The following C12orf42 variants were observed in gnomAD, a reference collection of about 807,000 sequenced individuals.
The protein encoded by C12orf42 is chromosome 12 open reading frame 42.
A neutral mutation model predicts 21.6 loss-of-function variants in C12orf42; 25 were observed. The observed-to-expected ratio is 1.16, with a 90% confidence interval of 0.84 to 1.62. The LOEUF (loss-of-function observed/expected upper bound fraction) is 1.62, where lower values mean the gene tolerates loss of function less well. Among genes scored for constraint, C12orf42 ranks in the 40% most tolerant of loss-of-function variants. The pLI, the probability that C12orf42 is intolerant of heterozygous loss-of-function variation, is 0.00. For missense variants in C12orf42, 483 were observed against 459.3 expected (o/e 1.05, Z -0.47); for synonymous variants, 174 against 175.0 (o/e 0.99, Z 0.05).
At chr12:103,217,847 A>G in the C12orf42 span, among the ~76,000 whole-genome samples, 1 of 152,020 alleles carries the variant, frequency 6.6e-6, no homozygotes, top group Non-Finnish European at 1.5e-5. Context: ...GTCCCTTCCT[A>G]GTGTGGTCCC....
At chr12:103,047,629 G>A in the C12orf42 span, among the ~76,000 whole-genome samples, 75 of 152,336 alleles carry the variant, frequency 4.9e-4, no homozygotes, top group African/African-American at 1.8e-3. Flanking sequence ...AATACTTAGA[G>A]GCTTAAAACA....
the C12orf42 span, among the ~76,000 whole-genome samples, chr12:103,098,099 C>A: frequency 6.6e-6 from 1 of 152,326 alleles, no homozygotes; most frequent in African/African-American, 2.4e-5. Context: ...TCTAGCATTA[C>A]AAGAAAGTTA....
intron 2 of C12orf42, among the ~76,000 whole-genome samples, chr12:103,431,638 TA>T (rs1365969653): frequency 6.6e-6 from 1 of 152,200 alleles, no homozygotes; most frequent in African/African-American, 2.4e-5. Flanking sequence ...ACATATACAT[TA>T]CATACCCTGG....
intron 2 of C12orf42, among the ~76,000 whole-genome samples, chr12:103,475,676 G>T (rs1270955829): frequency 1.3e-5 from 2 of 152,170 alleles, no homozygotes; most frequent in African/African-American, 4.8e-5. Flanking sequence ...TGAGGAATTT[G>T]GTTTGGTACA....
At chr12:103,072,207 C>A in the C12orf42 span, among the ~76,000 whole-genome samples, 2 of 152,152 alleles carry the variant, frequency 1.3e-5, no homozygotes, top group Non-Finnish European at 2.9e-5. Flanking sequence ...TTAATGCACA[C>A]ATGGTAAGAG....
At chr12:103,212,924 T>C in the C12orf42 span, among the ~76,000 whole-genome samples, 1 of 151,976 alleles carries the variant, frequency 6.6e-6, no homozygotes, top group Non-Finnish European at 1.5e-5. Context: ...TGCAGTTAGA[T>C]ACACACACGC....
intron 4 of C12orf42, among the ~76,000 whole-genome samples, chr12:103,282,160 G>A (rs1324522977): frequency 2.0e-5 from 3 of 152,110 alleles, no homozygotes; most frequent in African/African-American, 7.2e-5. Flanking sequence ...ATTCTATAAG[G>A]TAATCAAGTT....
chr12:103,316,389 T>C (rs74565404), intron 4 of C12orf42, among the ~76,000 whole-genome samples: 12,216 of 152,082 alleles, frequency 0.08, 505 homozygotes, highest in East Asian at 0.18. Flanking sequence ...AAGACTGTTT[T>C]AGACACACAC....
At chr12:103,486,588 C>A (rs532247385) in intron 1 of C12orf42, among the ~76,000 whole-genome samples, 2 of 152,264 alleles carry the variant, frequency 1.3e-5, no homozygotes, top group East Asian at 1.9e-4. Flanking sequence ...TCCATCCGGT[C>A]CTGCACTTTT....
chr12:103,303,582 T>C (rs913077787), intron 5 of C12orf42, among the ~76,000 whole-genome samples: 5 of 152,164 alleles, frequency 3.3e-5, no homozygotes, highest in Admixed American at 1.3e-4. Context: ...ACACATAAAA[T>C]AATTAAAATG....
intron 4 of C12orf42, among the ~76,000 whole-genome samples, chr12:103,359,269 G>T (rs1183665848): frequency 6.6e-6 from 1 of 151,862 alleles, no homozygotes; most frequent in East Asian, 1.9e-4. Flanking sequence ...AGTGTAATTT[G>T]TAGAGTAAAA....
chr12:103,206,484 C>T, the C12orf42 span, among the ~76,000 whole-genome samples: 1 of 151,562 alleles, frequency 6.6e-6, no homozygotes, highest in Non-Finnish European at 1.5e-5. Flanking sequence ...AGTGTTATCT[C>T]TATAATACAT....
chr12:103,168,500 G>T, the C12orf42 span, among the ~76,000 whole-genome samples: 2 of 152,112 alleles, frequency 1.3e-5, no homozygotes, highest in African/African-American at 2.4e-5. Flanking sequence ...GCTTTACATA[G>T]TGAGCTTACA....
the C12orf42 span, among the ~76,000 whole-genome samples, chr12:103,537,569 T>C: frequency 1.3e-5 from 2 of 152,274 alleles, no homozygotes; most frequent in Non-Finnish European, 2.9e-5. Context: ...CTTTCCTATA[T>C]AGAAGTGCTG....
Position 103,305,968 on chromosome 12 carries a change from A to G in C12orf42, c.631+6T>C. The G allele has an allele frequency of 6.3e-7, 1 of 1,597,550 alleles. No homozygotes were observed. The highest frequency in any genetic ancestry group is 8.6e-7 in the Non-Finnish European group (1 of 1,167,606). On this transcript the variant is annotated splice_donor_region_variant and intron_variant, in intron 5 of 5. Coordinates refer to ENST00000548883, the MANE Select transcript of C12orf42 (RefSeq NM_198521.5). ...GAAGAGTCAGTAACCACAACATGAT[A>G]CTTACCAGAATTTTTCTTGGGACTG...
At chr12:103,158,281 C>T in the C12orf42 span, among the ~76,000 whole-genome samples, 2 of 152,114 alleles carry the variant, frequency 1.3e-5, no homozygotes, top group Non-Finnish European at 2.9e-5. Context: ...GGTTTCATTC[C>T]CAAACCTGTT....
chr12:103,490,129 A>G (rs1245465981), intron 1 of C12orf42, among the ~76,000 whole-genome samples: 1 of 152,184 alleles, frequency 6.6e-6, no homozygotes, highest in Non-Finnish European at 1.5e-5. Flanking sequence ...TCCTTCCTAC[A>G]CTAGGATCCC....
upstream of C12orf42, among the ~76,000 whole-genome samples, chr12:103,496,610 T>G (rs1029808362): frequency 2.0e-5 from 3 of 152,168 alleles, no homozygotes; most frequent in Non-Finnish European, 2.9e-5. Context: ...CCATAAGCTG[T>G]CCATAGGCTG....
intron 1 of C12orf42, among the ~76,000 whole-genome samples, chr12:103,495,326 A>C (rs1441483058): frequency 6.6e-6 from 1 of 151,984 alleles, no homozygotes; most frequent in Non-Finnish European, 1.5e-5. Context: ...AGATCTGGGG[A>C]GGGCATTCAG....
Sources: allele counts gnomAD v4.1 joint callset (sites outside exome capture counted in the v4.1 genomes callset), GRCh38; gene constraint gnomAD v4.1.1; transcripts MANE v1.5; gene names NCBI Gene and HGNC (gene_info 2026-07-23, HGNC 2026-07-21).